The following C1orf159 variants were observed in gnomAD, a reference collection of about 807,000 sequenced individuals.
C1orf159 encodes uncharacterized protein C1orf159.
A neutral mutation model predicts 25.6 loss-of-function variants in C1orf159; 19 were observed. The ratio of observed to expected loss-of-function variants is 0.74; its 90% confidence interval spans 0.52 to 1.09. The LOEUF (loss-of-function observed/expected upper bound fraction) is 1.09. C1orf159 is among the 50% of genes least tolerant of loss of function. The probability of loss-of-function intolerance (pLI) is 0.00; values close to 1 mark genes in which losing one functional copy is unlikely to be tolerated. For missense variants in C1orf159, 274 were observed against 290.6 expected (o/e 0.94, Z 0.42); for synonymous variants, 139 against 124.7 (o/e 1.12, Z -0.77).
rs75493061 is a variant in C1orf159 at position 1,095,521 on chromosome 1, T to C, written c.-135-3418A>G. 6.7e-3 allele frequency among the ~76,000 whole-genome samples: 1,021 copies of C among 152,374 alleles called. 10 individuals are homozygous for C. Among genetic ancestry groups the C allele is most frequent in the African/African-American group, 0.022 (920 of 41,582 alleles). ...TAAACTTTGCACCTTAGCCTTGATA[T>C]CTGAAATCTTGCTAAATTCACTTAA... On this transcript the variant is annotated intron_variant, in intron 1 of 9. Transcript: ENST00000421241.
chr1:1,101,210 G>A (rs10158726), intron 1 of C1orf159, among the ~76,000 whole-genome samples: 2,860 of 152,142 alleles, frequency 0.019, 71 homozygotes, highest in African/African-American at 0.057. Context: ...TTGGTCGGGC[G>A]TGGCAGCTCA....
At position 1,112,196 on chromosome 1, in the gene C1orf159, A is replaced by G. The variant is rs146157459; in HGVS notation, c.-136+3864T>C. ...AGGGAAAGACAGGCTCCCAATAGCT[A>G]GAAAACACATGAAATCCGGTGATGG... On this transcript the variant is annotated intron_variant, in intron 1 of 9. Transcript: ENST00000421241. Among the ~76,000 whole-genome samples, 600 of 152,364 alleles carry G rather than the reference A, an allele frequency of 3.9e-3. 2 individuals carry two copies. The highest frequency in any genetic ancestry group is 6.5e-3 in the Non-Finnish European group (440 of 68,038).
intron 7 of C1orf159, 92 bp from the exon 8 acceptor site, chr1:1,084,598 TGCCTCA>T: frequency 6.7e-7 from 1 of 1,501,704 alleles, no homozygotes; most frequent in Non-Finnish European, 9.0e-7. Context: ...AGCGAGGAGC[TGCCTCA>T]GCCTCAGCCC....
At chr1:1,107,974 ACACT>A (rs1187772211) in intron 1 of C1orf159, among the ~76,000 whole-genome samples, 2 of 152,232 alleles carry the variant, frequency 1.3e-5, no homozygotes, top group Admixed American at 6.5e-5. Context: ...AAGAACTGTA[ACACT>A]CACTGCGAGG....
chr1:1,091,171 C>T (rs1308535678), intron 3 of C1orf159: 9 of 617,940 alleles, frequency 1.5e-5, no homozygotes, highest in South Asian at 5.9e-5. Context: ...GATAGCGATG[C>T]GCGGCACGCT....
intron 1 of C1orf159, among the ~76,000 whole-genome samples, chr1:1,099,682 T>C (rs1646070426): frequency 1.3e-5 from 2 of 150,830 alleles, no homozygotes; most frequent in South Asian, 2.1e-4. Context: ...GCTGATGTTT[T>C]TGGTCTATTG....
intron 2 of C1orf159, 123 bp from the exon 3 acceptor site, chr1:1,091,688 G>C: frequency 1.8e-6 from 1 of 559,938 alleles, no homozygotes; most frequent in South Asian, 1.7e-5. Flanking sequence ...AAGGAGGGCA[G>C]AGCCAAATGG....
intron 3 of C1orf159, chr1:1,090,651 C>T: frequency 2.9e-6 from 2 of 688,370 alleles, no homozygotes; most frequent in Non-Finnish European, 5.0e-6. Flanking sequence ...GGTGGGCGGT[C>T]TCCAAGGAAA....
intron 1 of C1orf159, among the ~76,000 whole-genome samples, chr1:1,098,062 CACCT>C (rs1646033827): frequency 6.6e-6 from 1 of 151,832 alleles, no homozygotes; most frequent in Non-Finnish European, 1.5e-5. Flanking sequence ...ATTTTTTCCC[CACCT>C]GAGTTACAAA....
At chr1:1,084,138 AG>A (rs766185316) in intron 9 of C1orf159, 1 of 1,510,586 alleles carries the variant, frequency 6.6e-7, no homozygotes, top group Non-Finnish European at 9.0e-7. Flanking sequence ...GGGGGCGGGC[AG>A]GGGGCGCCGG....
chr1:1,109,142 AC>A (rs1321525212), intron 1 of C1orf159, among the ~76,000 whole-genome samples: 1 of 150,510 alleles, frequency 6.6e-6, no homozygotes, highest in Non-Finnish European at 1.5e-5. Flanking sequence ...GTGTCCACCC[AC>A]AGATGAATGG....
intron 4 of C1orf159, 37 bp downstream of exon 4, chr1:1,090,316 G>A: frequency 1.3e-6 from 2 of 1,546,852 alleles, no homozygotes; most frequent in Non-Finnish European, 1.7e-6. Context: ...GTGGCTCAGG[G>A]GCCGGTCTGG....
chr1:1,112,679 C>T (rs1317757351), intron 1 of C1orf159, among the ~76,000 whole-genome samples: 1 of 152,242 alleles, frequency 6.6e-6, no homozygotes, highest in Admixed American at 6.5e-5. Context: ...TGCTCCCGCC[C>T]AAGTACTAGC....
intron 1 of C1orf159, among the ~76,000 whole-genome samples, chr1:1,100,572 C>G (rs901279377): frequency 1.9e-4 from 29 of 152,276 alleles, no homozygotes; most frequent in African/African-American, 7.0e-4. Context: ...TGAGCTTTGG[C>G]AAGTGTATAA....
chr1:1,092,350 G>C (rs1384665771), intron 1 of C1orf159: 3 of 188,636 alleles, frequency 1.6e-5, no homozygotes, highest in Non-Finnish European at 1.1e-5. Flanking sequence ...CCCTCGGCCC[G>C]GCCTTTGCTC....
Position 1,087,604 on chromosome 1 carries a change from G to A in C1orf159, c.149-7C>T. The A allele has an allele frequency of 6.5e-7, 1 of 1,540,720 alleles. No homozygotes were observed. Among genetic ancestry groups the A allele is most frequent in the Non-Finnish European group, 8.7e-7 (1 of 1,143,424 alleles). On this transcript the variant is annotated splice_region_variant and splice_polypyrimidine_tract_variant and intron_variant, in intron 4 of 9. Coordinates refer to ENST00000421241, the MANE Select transcript of C1orf159 (RefSeq NM_017891.5). This position sits in a 1 kb window ranked among gnomAD's most constrained non-coding sequence, Gnocchi z 8.3. ...TTCCAGCGCCTGTAACAGCCTGCGTGGGGCAGAGGACGGGCATGTCAGCCA... is the reference window on the plus strand; with the variant it reads ...TTCCAGCGCCTGTAACAGCCTGCGTAGGGCAGAGGACGGGCATGTCAGCCA...
intron 1 of C1orf159, among the ~76,000 whole-genome samples, chr1:1,098,272 T>C (rs748120848): frequency 3.9e-5 from 6 of 152,066 alleles, no homozygotes; most frequent in African/African-American, 1.5e-4. Context: ...GGTTTCACCA[T>C]GCTGGCCAGG....
At chr1:1,115,287 A>G (rs892183093) in intron 1 of C1orf159, among the ~76,000 whole-genome samples, 3 of 152,160 alleles carry the variant, frequency 2.0e-5, no homozygotes, top group African/African-American at 7.2e-5. Context: ...GCGCTCCCGA[A>G]AAACTGCACC....
At chr1:1,102,324 G>A (rs1646112696) in intron 1 of C1orf159, among the ~76,000 whole-genome samples, 2 of 151,484 alleles carry the variant, frequency 1.3e-5, no homozygotes, top group Admixed American at 6.6e-5. Context: ...ATCACCTACA[G>A]GTCCCAGAGG....
Sources: allele counts gnomAD v4.1 joint callset (sites outside exome capture counted in the v4.1 genomes callset), GRCh38; gene constraint gnomAD v4.1.1; non-coding constraint Gnocchi (gnomAD v3.1); transcripts MANE v1.5; gene names NCBI Gene and HGNC (gene_info 2026-07-23, HGNC 2026-07-21).